Variants in EPHA6 observed in about 807,000 individuals in gnomAD.
EPHA6 encodes the protein ephrin type-A receptor 6.
EPHA6 carries 50 observed loss-of-function variants against 112.0 expected under a neutral mutation model. The observed-to-expected ratio is 0.45, with a 90% CI of 0.36 to 0.56. EPHA6 has a LOEUF of 0.56. EPHA6 is among the 20% of genes least tolerant of loss of function. The pLI is 0.00. For synonymous variants in EPHA6, 529 were observed against 490.7 expected (o/e 1.08, Z -1.03); for missense variants, 1,280 against 1,417.4 (o/e 0.90, Z 1.56).
At chr3:97,569,767 C>A (rs2093312922) in intron 11 of EPHA6, among the ~76,000 whole-genome samples, 1 of 152,158 alleles carries the variant, frequency 6.6e-6, no homozygotes, top group Non-Finnish European at 1.5e-5. Flanking sequence ...AAATTATGAA[C>A]AGTATTTGTG....
chr3:96,840,376 A>G (rs747150908), intron 1 of EPHA6, among the ~76,000 whole-genome samples: 2 of 151,960 alleles, frequency 1.3e-5, no homozygotes, highest in Non-Finnish European at 2.9e-5. Context: ...TTGACTCTTG[A>G]TTTCTATGAA....
chr3:97,264,066 C>T (rs1464131765), intron 5 of EPHA6, among the ~76,000 whole-genome samples: 1 of 152,200 alleles, frequency 6.6e-6, no homozygotes, highest in African/African-American at 2.4e-5. Flanking sequence ...TATACATTTT[C>T]TGTCAGACTA....
At chr3:97,244,564 T>G in intron 5 of EPHA6, 1 of 416,376 alleles carries the variant, frequency 2.4e-6, no homozygotes, top group African/African-American at 2.0e-5. Flanking sequence ...TCTTAATGAG[T>G]AAGTCCATAT....
intron 3 of EPHA6, among the ~76,000 whole-genome samples, chr3:97,164,245 C>T (rs2076484990): frequency 6.6e-6 from 1 of 152,114 alleles, no homozygotes; most frequent in Non-Finnish European, 1.5e-5. Flanking sequence ...CCAGATTGTG[C>T]TAGGGACTAT....
intron 2 of EPHA6, among the ~76,000 whole-genome samples, chr3:96,959,930 G>A (rs2041898140): frequency 6.6e-6 from 1 of 151,856 alleles, no homozygotes; most frequent in Non-Finnish European, 1.5e-5. Context: ...AAATATGAGG[G>A]CAAGAAAATT....
chr3:97,141,697 TA>T (rs2056582847), intron 3 of EPHA6, among the ~76,000 whole-genome samples: 1 of 151,938 alleles, frequency 6.6e-6, no homozygotes, highest in African/African-American at 2.4e-5. Flanking sequence ...GAGGAAGGTT[TA>T]TAGTGTAAAA....
chr3:97,075,437 A>G (rs1427233400), intron 3 of EPHA6, among the ~76,000 whole-genome samples: 9 of 151,984 alleles, frequency 5.9e-5, no homozygotes, highest in Non-Finnish European at 1.2e-4. Flanking sequence ...GTGGTGCCAT[A>G]CTTTTATAGG....
intron 3 of EPHA6, among the ~76,000 whole-genome samples, chr3:97,012,181 G>A (rs1161008146): frequency 6.6e-6 from 1 of 152,110 alleles, no homozygotes; most frequent in African/African-American, 2.4e-5. Flanking sequence ...CCAGTAATGG[G>A]ATTGTTGGAT....
At chr3:97,419,592 T>G (rs1382747811) in intron 6 of EPHA6, among the ~76,000 whole-genome samples, 2 of 151,224 alleles carry the variant, frequency 1.3e-5, no homozygotes, top group Admixed American at 6.6e-5. Flanking sequence ...GCCACTACAA[T>G]CCAGCCTGTG....
intron 3 of EPHA6, among the ~76,000 whole-genome samples, chr3:97,167,247 T>C (rs544143979): frequency 6.6e-6 from 1 of 152,322 alleles, no homozygotes; most frequent in East Asian, 1.9e-4. Context: ...TATTCCCTTC[T>C]TTAATACTTC....
rs566745138 is a variant in EPHA6, at chr3:97,233,758, G to A, written c.1270+7339G>A. On this transcript the variant is annotated intron_variant, in intron 4 of 17. Coordinates refer to ENST00000389672, the MANE Select transcript of EPHA6 (RefSeq NM_001080448.3). ...AAAAGGAAGCATTTTTTGGTGTCAG[G>A]GGTAGAGAGAAAAGTAACTAAAAAT... Among the ~76,000 whole-genome samples the A allele has an allele frequency of 1.5e-4, 23 of 152,092 alleles. No individual in the cohort carries two copies. In the South Asian group the frequency reaches 4.6e-3, roughly 30 times the overall value.
intron 7 of EPHA6, among the ~76,000 whole-genome samples, chr3:97,465,877 T>C (rs2091034064): frequency 6.6e-6 from 1 of 152,050 alleles, no homozygotes; most frequent in Non-Finnish European, 1.5e-5. Flanking sequence ...GATAATTAGT[T>C]TATAATTAGA....
chr3:96,972,064 G>A (rs1262097745), intron 2 of EPHA6, among the ~76,000 whole-genome samples: 1 of 151,956 alleles, frequency 6.6e-6, no homozygotes, highest in Non-Finnish European at 1.5e-5. Flanking sequence ...ATAATAATAT[G>A]CTGTATCATT....
chr3:96,913,161 TACACACACACAC>T (rs768422240), intron 2 of EPHA6, among the ~76,000 whole-genome samples: 1,592 of 123,228 alleles, frequency 0.013, 30 homozygotes, highest in African/African-American at 0.042. Context: ...AGACCCCGTC[TACACACACACAC>T]ACACACACAC....
At chr3:97,625,738 TA>T (rs1163794598) in intron 13 of EPHA6, among the ~76,000 whole-genome samples, 1 of 151,728 alleles carries the variant, frequency 6.6e-6, no homozygotes, top group African/African-American at 2.4e-5. Flanking sequence ...AAATCAAGGA[TA>T]TTTTTAAAAT....
At chr3:97,480,964 C>A (rs7627089) in intron 9 of EPHA6, among the ~76,000 whole-genome samples, 14 of 151,280 alleles carry the variant, frequency 9.3e-5, no homozygotes, top group African/African-American at 3.4e-4. Context: ...GGATGGCGGC[C>A]GGGAAGAGGC....
intron 10 of EPHA6, among the ~76,000 whole-genome samples, chr3:97,507,943 G>T (rs951411814): frequency 1.3e-5 from 2 of 151,924 alleles, no homozygotes; most frequent in Admixed American, 6.6e-5. Context: ...CTAGTTTATT[G>T]GTGTAGAGGC....
At chr3:97,275,384 G>A (rs2080036552) in intron 5 of EPHA6, among the ~76,000 whole-genome samples, 1 of 152,154 alleles carries the variant, frequency 6.6e-6, no homozygotes, top group African/African-American at 2.4e-5. Context: ...TGAGCCTGAT[G>A]GGTGTCAGGG....
At chr3:97,709,098 A>G (rs1048845323) in intron 14 of EPHA6, among the ~76,000 whole-genome samples, 1 of 151,700 alleles carries the variant, frequency 6.6e-6, no homozygotes, top group African/African-American at 2.4e-5. Context: ...AGCTGTGAGA[A>G]GAGGGACACT....
Sources: gnomAD v4.1 joint callset for allele counts (sites outside exome capture counted in the v4.1 genomes callset) on GRCh38, gnomAD v4.1.1 for gene constraint, MANE v1.5 for transcripts, NCBI Gene and HGNC (gene_info 2026-07-23, HGNC 2026-07-21) for gene names.